The following PDE11A variants were observed in gnomAD, a reference collection of about 807,000 sequenced individuals.
PDE11A encodes phosphodiesterase 11A.
Under a neutral mutation model 100.5 loss-of-function variants are expected in PDE11A, and 100 were observed. That is an observed-to-expected ratio of 1.00 (90% CI 0.85 to 1.18). The LOEUF is 1.18. Ranked by LOEUF, PDE11A falls within the 50% of genes most tolerant of loss-of-function variation. The pLI is 0.00. For synonymous variants in PDE11A, 381 were observed against 420.8 expected (o/e 0.91, Z 1.16); for missense variants, 1,141 against 1,152.6 (o/e 0.99, Z 0.15).
At chr2:177,648,153 G>A (rs911188955) in intron 19 of PDE11A, among the ~76,000 whole-genome samples, 2 of 152,020 alleles carry the variant, frequency 1.3e-5, no homozygotes, top group Admixed American at 6.5e-5. Flanking sequence ...AAGATAGAAA[G>A]GGAATATGTT....
At position 177,675,465 on chromosome 2, in the gene PDE11A, A is replaced by C. The variant is rs759818563; in HGVS notation, c.2477T>G (p.Ile826Ser). ...TTAATCACCACTTGCCTGTCTGGAG[A>C]TCTCCCACGGTTTGGTCACGGCTCC... ...DLGAVTKPWE[I>S]SRQVAELVTS... Residue 826 changes from isoleucine (I) to serine (S), a missense_variant, in exon 17 of 20, where the codon ATC becomes AGC. By Grantham distance (142) the Ile-to-Ser change is moderately radical (BLOSUM62 -2). Coordinates refer to ENST00000286063, the MANE Select transcript of PDE11A (RefSeq NM_016953.4). The C allele has an allele frequency of 6.2e-7, 1 of 1,612,262 alleles. No individual in the cohort carries two copies.
At chr2:177,794,335 A>G (rs1030267826) in intron 9 of PDE11A, among the ~76,000 whole-genome samples, 2 of 152,174 alleles carry the variant, frequency 1.3e-5, no homozygotes, top group African/African-American at 2.4e-5. Flanking sequence ...TGTTTAAGGA[A>G]AAGCAAAGAG....
rs2083471836 is a variant in PDE11A, at chr2:177,840,360, G to T, written c.1391C>A (p.Ser464Ter). 7 of 1,613,482 alleles carry T rather than the reference G, an allele frequency of 4.3e-6. No homozygotes were observed. Among genetic ancestry groups the T allele is most frequent in the Non-Finnish European group, 5.9e-6 (7 of 1,179,550 alleles). ...ENSFKESMEK[S>*]SYSDWLINNS... ...ATTTATTAGCCAGTCGGAGTATGAT[G>T]ATTTCTCCATGCTTTCTTTGAAACT... The change falls in exon 6 of 20, where the codon TCA becomes TAA. Residue 464 changes from serine (S) to a stop codon, truncating the protein, a stop_gained. Transcript: ENST00000286063. LOFTEE classifies it high-confidence loss of function.
chr2:177,819,586 A>G (rs1299331782), intron 7 of PDE11A, among the ~76,000 whole-genome samples: 2 of 152,016 alleles, frequency 1.3e-5, no homozygotes, highest in African/African-American at 4.8e-5. Context: ...GAATGGAGGA[A>G]GAGAAAAATT....
intron 2 of PDE11A, among the ~76,000 whole-genome samples, chr2:177,938,648 C>T (rs1016208019): frequency 4.6e-5 from 7 of 152,136 alleles, no homozygotes; most frequent in Non-Finnish European, 1.0e-4. Context: ...GAATTAGGTT[C>T]CCCTACCTGG....
At chr2:177,671,682 C>T (rs1031939365) in intron 17 of PDE11A, among the ~76,000 whole-genome samples, 5 of 152,024 alleles carry the variant, frequency 3.3e-5, no homozygotes, top group East Asian at 1.9e-4. Flanking sequence ...AGGAAAAACA[C>T]GGTTTTGTGT....
At chr2:178,063,957 G>A (rs570688523) in intron 1 of PDE11A, among the ~76,000 whole-genome samples, 1 of 152,316 alleles carries the variant, frequency 6.6e-6, no homozygotes, top group South Asian at 2.1e-4. Flanking sequence ...TGTGAATAAA[G>A]CCTTCTGGAC....
intron 18 of PDE11A, among the ~76,000 whole-genome samples, chr2:177,669,263 T>C (rs1190828510): frequency 1.3e-5 from 2 of 152,190 alleles, no homozygotes; most frequent in Non-Finnish European, 2.9e-5. Context: ...TCGTGCCTAC[T>C]TGTCCCACTG....
At position 177,816,914 on chromosome 2, in the gene PDE11A, A is replaced by G. The variant is rs765914071; in HGVS notation, c.1652T>C (p.Val551Ala). 6.2e-7 allele frequency: 1 copy of G among 1,603,280 alleles called. No individual in the cohort carries two copies. Among genetic ancestry groups the G allele is most frequent in the Non-Finnish European group, 8.5e-7 (1 of 1,170,228 alleles). Residue 551 changes from valine (V) to alanine (A), a missense_variant, in exon 9 of 20, where the codon GTC (valine) becomes GCC (alanine). Val to Ala is a moderately conservative substitution (Grantham distance 64, BLOSUM62 0). Transcript: ENST00000286063. Reference sequence around the variant, plus strand: ...GTTGATGCCAAGTCCACAAAAGATGACAAAAGCCTAGGAAAGAGCAAACCT... The same window carrying G: ...GTTGATGCCAAGTCCACAAAAGATGGCAAAAGCCTAGGAAAGAGCAAACCT... Reference protein sequence around the residue: ...DADQRLFEAFVIFCGLGINNT... With the variant: ...DADQRLFEAFAIFCGLGINNT...
chr2:177,957,021 T>G (rs1255388448), intron 2 of PDE11A, among the ~76,000 whole-genome samples: 2 of 151,806 alleles, frequency 1.3e-5, no homozygotes, highest in Non-Finnish European at 2.9e-5. Context: ...CTGCACATTG[T>G]GTACGTGTAC....
rs57211363 is a variant in PDE11A at position 177,713,987 on chromosome 2, C to CTTTTTTTTTTTTTTTTT, written c.2044-2126_2044-2110dup. ...TCCCACCATATTTCTTTTCTTTTTT[C>CTTTTTTTTTTTTTTTTT]TTTTTTTTTTTTTTTTTTTTTTTTG... On this transcript the variant is annotated intron_variant, in intron 12 of 19. Coordinates refer to ENST00000286063, the MANE Select transcript of PDE11A (RefSeq NM_016953.4). Among the ~76,000 whole-genome samples, 29 of 77,402 alleles carry CTTTTTTTTTTTTTTTTT rather than the reference C, an allele frequency of 3.7e-4. 1 individual carries two copies. Among genetic ancestry groups the CTTTTTTTTTTTTTTTTT allele is most frequent in the African/African-American group, 8.0e-4 (15 of 18,836 alleles). The allele number at this position is 77,402 out of a possible 152,430, so 50.8% of individuals were successfully genotyped here. A position where few individuals can be genotyped will look rare whatever the true frequency, so the allele number is the denominator to read the frequency against.
intron 2 of PDE11A, among the ~76,000 whole-genome samples, chr2:177,980,761 A>G (rs959137007): frequency 6.0e-5 from 9 of 150,674 alleles, no homozygotes; most frequent in African/African-American, 2.2e-4. Flanking sequence ...AAAGGCCAAT[A>G]AGGCTATAAA....
Position 178,067,555 on chromosome 2 carries a change from C to T in PDE11A, c.912+3971G>A, listed in dbSNP as rs888714093. Among the ~76,000 whole-genome samples the T allele has an allele frequency of 2.0e-5, 3 of 152,296 alleles. No homozygotes were observed. The East Asian group carries it at 5.8e-4, about 29-fold the overall frequency. Reference sequence around the variant, plus strand: ...GGACTTGGAATCACTTCTCCCTACCCCACAACTATCTCTAACTGGAAAATC... The same window carrying T: ...GGACTTGGAATCACTTCTCCCTACCTCACAACTATCTCTAACTGGAAAATC... On this transcript the variant is annotated intron_variant, in intron 1 of 19. Transcript: ENST00000286063.
chr2:177,697,272 T>C, intron 15 of PDE11A, 60 bp downstream of exon 15: 3 of 842,058 alleles, frequency 3.6e-6, no homozygotes, highest in Non-Finnish European at 4.2e-6. Flanking sequence ...AGTGTAGACC[T>C]GGAGATTAGT....
intron 2 of PDE11A, among the ~76,000 whole-genome samples, chr2:177,944,089 G>A (rs1474688766): frequency 6.6e-6 from 1 of 152,138 alleles, no homozygotes; most frequent in African/African-American, 2.4e-5. Context: ...CAGAGCATGG[G>A]ACTTTCTTTG....
intron 2 of PDE11A, among the ~76,000 whole-genome samples, chr2:177,945,726 G>A (rs1318046597): frequency 1.6e-4 from 24 of 151,272 alleles, no homozygotes; most frequent in African/African-American, 5.8e-4. Flanking sequence ...CGGGAGGGAG[G>A]TGGGGGGGGT....
chr2:177,649,585 T>C (rs2080279644), intron 19 of PDE11A, among the ~76,000 whole-genome samples: 1 of 152,196 alleles, frequency 6.6e-6, no homozygotes, highest in Non-Finnish European at 1.5e-5. Context: ...TAGATACATA[T>C]GTGTGAGCAT....
In PDE11A at chr2:177,626,312, C is replaced by T. The variant is rs1231034560; in HGVS notation, c.*3095G>A. On this transcript the variant is annotated 3_prime_UTR_variant, in exon 20 of 20. Transcript: ENST00000286063. ...ATAAAGCACATGCTTTAAAATGTTG[C>T]TGTAGATGGACTGGCATCCATTTGT... The T allele has an allele frequency of 6.6e-6, 1 of 152,594 alleles. No individual in the cohort carries two copies. Among genetic ancestry groups the T allele is most frequent in the African/African-American group, 2.4e-5 (1 of 41,440 alleles). 9.5% of individuals were successfully genotyped at this position (152,594 alleles called of 1,614,324 possible). A position where few individuals can be genotyped will look rare whatever the true frequency, so the allele number is the denominator to read the frequency against.
chr2:177,979,617 T>TTTTTTTTTC (rs2085855302), intron 2 of PDE11A, among the ~76,000 whole-genome samples: 1 of 138,456 alleles, frequency 7.2e-6, no homozygotes, highest in Non-Finnish European at 1.6e-5. Context: ...TGATCTTTTT[T>TTTTTTTTTC]TTTTTTTTTT....
Sources: allele counts gnomAD v4.1 joint callset (sites outside exome capture counted in the v4.1 genomes callset), GRCh38; gene constraint gnomAD v4.1.1; transcripts MANE v1.5; gene names NCBI Gene and HGNC (gene_info 2026-07-23, HGNC 2026-07-21).